Variants in RBFOX1 observed in about 807,000 individuals in gnomAD.
RBFOX1 encodes the protein RNA binding protein fox-1 homolog 1.
RBFOX1 carries 8 observed loss-of-function variants against 57.7 expected under a neutral mutation model. The ratio of observed to expected loss-of-function variants is 0.14; its 90% confidence interval spans 0.08 to 0.25. The LOEUF (loss-of-function observed/expected upper bound fraction) is 0.25, where lower values mean the gene tolerates loss of function less well. Ranked by LOEUF, RBFOX1 falls within the 10% of genes least tolerant of loss-of-function variation. The pLI is 1.00. For synonymous variants in RBFOX1, 326 were observed against 222.4 expected, an observed-to-expected ratio of 1.47 and a Z score of -4.15; for missense variants, 611 against 548.5, an observed-to-expected ratio of 1.11 and a Z score of -1.14.
chr16:7,425,488 C>A (rs929851033), intron 4 of RBFOX1, among the ~76,000 whole-genome samples: 2 of 152,166 alleles, frequency 1.3e-5, no homozygotes, highest in African/African-American at 4.8e-5. Flanking sequence ...CTTAAAATTA[C>A]ATTTATATCA....
chr16:6,149,378 T>G (rs2096781888), intron 1 of RBFOX1, among the ~76,000 whole-genome samples: 1 of 152,220 alleles, frequency 6.6e-6, no homozygotes, highest in African/African-American at 2.4e-5. Flanking sequence ...CATTGAAGTT[T>G]TGCTAGGAGG....
chr16:7,659,441 T>C (rs990748777), intron 12 of RBFOX1, among the ~76,000 whole-genome samples: 2 of 152,162 alleles, frequency 1.3e-5, no homozygotes, highest in Non-Finnish European at 2.9e-5. Flanking sequence ...TTAGTATAAA[T>C]ACTAGGAACA....
At chr16:7,356,533 G>A (rs926690121) in intron 4 of RBFOX1, among the ~76,000 whole-genome samples, 1 of 152,146 alleles carries the variant, frequency 6.6e-6, no homozygotes, top group Non-Finnish European at 1.5e-5. Flanking sequence ...GGTGGTAGGT[G>A]GGGGGCCGAT....
At chr16:6,903,735 C>T (rs533062434) in intron 3 of RBFOX1, among the ~76,000 whole-genome samples, 1 of 152,098 alleles carries the variant, frequency 6.6e-6, no homozygotes, top group South Asian at 2.1e-4. Context: ...ACTAATAGGA[C>T]CTCAAAAGAA....
intron 11 of RBFOX1, among the ~76,000 whole-genome samples, chr16:7,652,619 G>A (rs887776572): frequency 1.3e-5 from 2 of 152,106 alleles, no homozygotes; most frequent in Non-Finnish European, 2.9e-5. Flanking sequence ...TATTGGCCAG[G>A]CTGGTCTCGA....
chr16:5,631,556 TAA>T (rs1156896003), intron 3 of RBFOX1, among the ~76,000 whole-genome samples: 15 of 139,102 alleles, frequency 1.1e-4, no homozygotes, highest in African/African-American at 7.9e-5. Flanking sequence ...ACTCCATATT[TAA>T]AAAAAAAAAA....
intron 1 of RBFOX1, among the ~76,000 whole-genome samples, chr16:6,094,893 C>G (rs907374286): frequency 6.6e-6 from 1 of 152,160 alleles, no homozygotes; most frequent in East Asian, 1.9e-4. Flanking sequence ...AACCCTGTCT[C>G]TACTAAAAAT....
chr16:5,585,904 C>G (rs570157140), intron 2 of RBFOX1, among the ~76,000 whole-genome samples: 1 of 152,258 alleles, frequency 6.6e-6, no homozygotes, highest in South Asian at 2.1e-4. Flanking sequence ...AAAAGATTTG[C>G]TCAAGTTCTG....
chr16:6,898,287 C>T (rs1364342474), intron 3 of RBFOX1, among the ~76,000 whole-genome samples: 7 of 152,104 alleles, frequency 4.6e-5, no homozygotes, highest in African/African-American at 9.7e-5. Context: ...GCCATCTGAC[C>T]CCTGCCCCTC....
chr16:7,276,222 G>C (rs985927373), intron 4 of RBFOX1, among the ~76,000 whole-genome samples: 20 of 152,286 alleles, frequency 1.3e-4, no homozygotes, highest in African/African-American at 4.3e-4. Context: ...TCCAGAGACT[G>C]AGCTATTTCT....
At chr16:5,291,206 A>T (rs1347484237) in intron 1 of RBFOX1, among the ~76,000 whole-genome samples, 2 of 149,584 alleles carry the variant, frequency 1.3e-5, no homozygotes, top group African/African-American at 4.9e-5. Flanking sequence ...TAAAGGGCTG[A>T]TGTAGGGATG....
At chr16:6,075,587 C>A (rs1196355402) in intron 1 of RBFOX1, among the ~76,000 whole-genome samples, 1 of 152,170 alleles carries the variant, frequency 6.6e-6, no homozygotes, top group Non-Finnish European at 1.5e-5. Context: ...AGATGTAATT[C>A]TTGTTACACA....
chr16:7,392,327 T>C (rs925509799), intron 4 of RBFOX1, among the ~76,000 whole-genome samples: 1 of 152,202 alleles, frequency 6.6e-6, no homozygotes, highest in East Asian at 1.9e-4. Context: ...CCCAAAATTA[T>C]AATGAATATA....
intron 3 of RBFOX1, among the ~76,000 whole-genome samples, chr16:6,770,430 C>G (rs551222025): frequency 6.6e-6 from 1 of 152,146 alleles, no homozygotes; most frequent in Admixed American, 6.5e-5. Context: ...TTATGTATAC[C>G]CAGCTGCACC....
intron 2 of RBFOX1, among the ~76,000 whole-genome samples, chr16:6,397,756 A>G (rs974650884): frequency 6.6e-6 from 1 of 152,214 alleles, no homozygotes. Flanking sequence ...GCAAAACTAT[A>G]CTGTTGAAAA....
At chr16:6,655,922 C>A (rs1288025023) in intron 3 of RBFOX1, among the ~76,000 whole-genome samples, 2 of 152,174 alleles carry the variant, frequency 1.3e-5, no homozygotes, top group Non-Finnish European at 2.9e-5. Context: ...AAATAAAAAG[C>A]AGTTGCCACA....
At chr16:5,421,615 C>A (rs928198319) in intron 1 of RBFOX1, among the ~76,000 whole-genome samples, 1 of 152,104 alleles carries the variant, frequency 6.6e-6, no homozygotes, top group Non-Finnish European at 1.5e-5. Context: ...TCAATCACCC[C>A]CACCCCGGGA....
intron 3 of RBFOX1, among the ~76,000 whole-genome samples, chr16:6,692,024 C>A (rs61339274): frequency 0.035 from 5,395 of 152,266 alleles, 314 homozygotes; most frequent in African/African-American, 0.12. Context: ...ACAGCCCTGC[C>A]TGTTGACACC....
chr16:5,825,511 A>C (rs1290193795), intron 3 of RBFOX1, among the ~76,000 whole-genome samples: 4 of 152,174 alleles, frequency 2.6e-5, no homozygotes, highest in Non-Finnish European at 5.9e-5. Flanking sequence ...GCATTCATAA[A>C]CTTGGATGGA....
Sources: allele counts gnomAD v4.1 joint callset (sites outside exome capture counted in the v4.1 genomes callset), GRCh38; gene constraint gnomAD v4.1.1; transcripts MANE v1.5; gene names NCBI Gene and HGNC (gene_info 2026-07-23, HGNC 2026-07-21).